The following ZC3H7B variants were observed in gnomAD, a reference collection of about 807,000 sequenced individuals.
ZC3H7B encodes the protein zinc finger CCCH domain-containing protein 7B.
ZC3H7B carries 35 observed loss-of-function variants against 116.0 expected under a neutral mutation model. The observed-to-expected ratio is 0.30, with a 90% CI of 0.23 to 0.40. The LOEUF is 0.40. ZC3H7B is among the 10% of genes least tolerant of loss of function. ZC3H7B has a pLI of 1.00. For missense variants in ZC3H7B, 1,011 were observed against 1,321.5 expected (o/e 0.77, Z 3.64); for synonymous variants, 502 against 545.6 (o/e 0.92, Z 1.11).
chr22:41,343,696 A>G (rs984678130), intron 13 of ZC3H7B, 120 bp downstream of exon 13: 2 of 1,352,414 alleles, frequency 1.5e-6, no homozygotes, highest in Non-Finnish European at 1.9e-6. Context: ...GCTGCACGGG[A>G]GGAGAAAGCC....
At chr22:41,313,443 C>T (rs920841352) in intron 1 of ZC3H7B, among the ~76,000 whole-genome samples, 2 of 152,244 alleles carry the variant, frequency 1.3e-5, no homozygotes, top group African/African-American at 4.8e-5. Context: ...AAGCCAATCA[C>T]TGGCAAGGGA....
intron 6 of ZC3H7B, 46 bp downstream of exon 6, chr22:41,330,149 G>T: frequency 1.2e-6 from 2 of 1,603,152 alleles, no homozygotes; most frequent in African/African-American, 1.3e-5. Context: ...GACGTGAGGA[G>T]GTCTGAAGGG....
Position 41,338,409 on chromosome 22 carries a change from G to T in ZC3H7B, c.625+54G>T. On this transcript the variant is annotated intron_variant, in intron 8 of 22. Transcript: ENST00000352645. This position sits in a 1 kb window ranked among gnomAD's most constrained non-coding sequence, Gnocchi z 4.5. ...GGAAATTGGGGCCCCGAGAGGTCAG[G>T]GGAGTCGAGCCCCCTCCCCATCCCA... is the stretch of plus-strand genomic sequence containing the variant. 6.3e-7 allele frequency: 1 copy of T among 1,589,598 alleles called. No individual in the cohort carries two copies. Among genetic ancestry groups the T allele is most frequent in the East Asian group, 2.3e-5 (1 of 44,246 alleles).
At chr22:41,332,076 C>CT in intron 6 of ZC3H7B, 95 bp from the exon 7 acceptor site, 1 of 1,397,306 alleles carries the variant, frequency 7.2e-7, no homozygotes, top group South Asian at 1.2e-5. Context: ...ACCCCAGCTG[C>CT]TTGTGTCAGG....
intron 1 of ZC3H7B, among the ~76,000 whole-genome samples, chr22:41,309,517 G>T (rs2036091169): frequency 1.3e-5 from 2 of 151,634 alleles, no homozygotes; most frequent in Middle Eastern, 6.8e-3. Context: ...GTTTCACCAT[G>T]TTGGCCAGGC....
chr22:41,303,459 G>A (rs2036000800), intron 1 of ZC3H7B, among the ~76,000 whole-genome samples: 1 of 152,134 alleles, frequency 6.6e-6, no homozygotes. Context: ...CTGAGATGTC[G>A]GTTGAGACAT....
chr22:41,330,118 G>A lies in ZC3H7B; in HGVS notation c.525+15G>A. The A allele has an allele frequency of 6.2e-7, 1 of 1,613,560 alleles. No individual in the cohort carries two copies. The highest frequency in any genetic ancestry group is 8.5e-7 in the Non-Finnish European group (1 of 1,179,836). On this transcript the variant is annotated intron_variant, in intron 6 of 22. Coordinates refer to ENST00000352645, the MANE Select transcript of ZC3H7B (RefSeq NM_017590.6). Reference sequence around the variant, plus strand: ...AGAGGCCCCAGGTAGGTGGGTTCGGGACCCTGGGAGGGTCGGTGTGGACGT... The same window carrying A: ...AGAGGCCCCAGGTAGGTGGGTTCGGAACCCTGGGAGGGTCGGTGTGGACGT...
intron 2 of ZC3H7B, among the ~76,000 whole-genome samples, chr22:41,321,033 C>A (rs2036249647): frequency 6.6e-6 from 1 of 152,048 alleles, no homozygotes; most frequent in South Asian, 2.1e-4. Flanking sequence ...ATCAATGGTC[C>A]CTCTGTTACA....
In ZC3H7B at chr22:41,351,459, C is replaced by T; in HGVS notation, c.1949-102C>T. 9.8e-7 allele frequency: 1 copy of T among 1,019,250 alleles called. No individual in the cohort carries two copies. Among genetic ancestry groups the T allele is most frequent in the South Asian group, 1.6e-5 (1 of 63,276 alleles). 63.1% of individuals were successfully genotyped at this position (1,019,250 alleles called of 1,614,324 possible). ...TGTGGCTGGGCTGAGAATAGGGCTC[C>T]TCCAGCTGGGCCTCGGGGGTCCCTG... On this transcript the variant is annotated intron_variant, in intron 16 of 22. Transcript: ENST00000352645. This position sits in a 1 kb window ranked among gnomAD's most constrained non-coding sequence, Gnocchi z 5.1.
chr22:41,323,217 A>C (rs1374044492), intron 2 of ZC3H7B, among the ~76,000 whole-genome samples: 1 of 152,144 alleles, frequency 6.6e-6, no homozygotes, highest in East Asian at 1.9e-4. Context: ...GGAGTTTGCA[A>C]ACCCTCCTCA....
chr22:41,312,909 C>T (rs918802764), intron 1 of ZC3H7B, among the ~76,000 whole-genome samples: 1 of 152,138 alleles, frequency 6.6e-6, no homozygotes, highest in Non-Finnish European at 1.5e-5. Flanking sequence ...AATTATAATA[C>T]ATCCTATGCA....
chr22:41,332,248 A>G (rs1020071600), intron 7 of ZC3H7B, 21 bp downstream of exon 7: 11 of 1,613,620 alleles, frequency 6.8e-6, no homozygotes, highest in African/African-American at 5.3e-5. Flanking sequence ...GGCTGAACCA[A>G]CCTGTCTCAG....
rs1194580516 is a variant in ZC3H7B, at chr22:41,302,898, C to T, written c.-7+1126C>T. On this transcript the variant is annotated intron_variant, in intron 1 of 22. Transcript: ENST00000352645. This position sits in a 1 kb window ranked among gnomAD's most constrained non-coding sequence, Gnocchi z 5.7. ...GCTGGTGATCAGCGGTTTTATTTCT[C>T]GGGTTGCTAGCTTTGGCATCAGACT... 6.6e-6 allele frequency among the ~76,000 whole-genome samples: 1 copy of T among 152,164 alleles called. No homozygotes were observed. The highest frequency in any genetic ancestry group is 1.5e-5 in the Non-Finnish European group (1 of 68,030).
rs550538324 is a variant in ZC3H7B at position 41,342,369 on chromosome 22, G to T, written c.1198-160G>T. Reference sequence around the variant, plus strand: ...GACCACATTACAAAGAACTCCCCTGGCTGGGAGGGTGGAGGAAGAGGAAGG... The same window carrying T: ...GACCACATTACAAAGAACTCCCCTGTCTGGGAGGGTGGAGGAAGAGGAAGG... On this transcript the variant is annotated intron_variant, in intron 11 of 22. Transcript: ENST00000352645. 1.4e-4 allele frequency among the ~76,000 whole-genome samples: 21 copies of T among 152,322 alleles called. No homozygotes were observed. In the South Asian group the frequency reaches 4.1e-3, roughly 30 times the overall value.
At position 41,338,997 on chromosome 22, in the gene ZC3H7B, G is replaced by A. The variant is rs371290220; in HGVS notation, c.626-4G>A. 208 of 1,549,554 alleles carry A rather than the reference G, an allele frequency of 1.3e-4. No individual in the cohort carries two copies. The highest frequency in any genetic ancestry group is 1.1e-3 in the East Asian group (45 of 42,594). ...CCTTCGGCTCTTGCCCACCCCATCC[G>A]CAGACTGCTACGTGGACCCTCGAGG... On this transcript the variant is annotated splice_polypyrimidine_tract_variant and splice_region_variant and intron_variant, in intron 8 of 22. Coordinates refer to ENST00000352645, the MANE Select transcript of ZC3H7B (RefSeq NM_017590.6). The surrounding 1 kb of genome is among the most constrained non-coding windows in gnomAD (Gnocchi z 4.5).
chr22:41,324,161 G>A (rs2036290566), intron 2 of ZC3H7B, among the ~76,000 whole-genome samples: 1 of 152,164 alleles, frequency 6.6e-6, no homozygotes, highest in Non-Finnish European at 1.5e-5. Flanking sequence ...GGCCAGGAAG[G>A]TAGTGATGGG....
chr22:41,332,075 G>T, intron 6 of ZC3H7B, 96 bp from the exon 7 acceptor site: 1 of 1,377,842 alleles, frequency 7.3e-7, no homozygotes, highest in African/African-American at 1.4e-5. Context: ...GACCCCAGCT[G>T]CTTGTGTCAG....
chr22:41,332,420 G>A (rs1320835391), intron 7 of ZC3H7B, 193 bp downstream of exon 7: 5 of 661,188 alleles, frequency 7.6e-6, no homozygotes, highest in East Asian at 5.6e-5. Flanking sequence ...GGTCATTGCC[G>A]GGGAGCCGCC....
chr22:41,351,652 G>T lies in ZC3H7B; in HGVS notation c.2034+6G>T, dbSNP rs1006864702. ...GGAAGGCCAGCAGCAGCATGGTAAG[G>T]CCTTCTGATACTATGCCATTATTCA... On this transcript the variant is annotated splice_donor_region_variant and intron_variant, in intron 17 of 22. Transcript: ENST00000352645. The surrounding 1 kb of genome is among the most constrained non-coding windows in gnomAD (Gnocchi z 5.1). 1 of 1,613,020 alleles carries T rather than the reference G, an allele frequency of 6.2e-7. No homozygotes were observed. The highest frequency in any genetic ancestry group is 1.3e-5 in the African/African-American group (1 of 74,990).
Sources: gnomAD v4.1 joint callset for allele counts (sites outside exome capture counted in the v4.1 genomes callset) on GRCh38, gnomAD v4.1.1 for gene constraint, Gnocchi (gnomAD v3.1) non-coding constraint, MANE v1.5 for transcripts, NCBI Gene and HGNC (gene_info 2026-07-23, HGNC 2026-07-21) for gene names.